The following TEX36 variants were observed in gnomAD, a reference collection of about 807,000 sequenced individuals.
TEX36 encodes testis expressed 36, also known as testis-expressed protein 36.
TEX36 carries 12 observed loss-of-function variants against 13.6 expected under a neutral mutation model. That is an observed-to-expected ratio of 0.88 (90% CI 0.56 to 1.43). TEX36 has a LOEUF of 1.43. TEX36 is among the 40% of genes most tolerant of loss of function. The probability of loss-of-function intolerance (pLI) is 0.00; values close to 1 mark genes in which losing one functional copy is unlikely to be tolerated. For missense variants in TEX36, 224 were observed against 228.3 expected (o/e 0.98, Z 0.12); for synonymous variants, 93 against 83.0 (o/e 1.12, Z -0.65).
At chr10:125,658,131 AT>A (rs968390597) in intron 3 of TEX36, among the ~76,000 whole-genome samples, 5 of 152,076 alleles carry the variant, frequency 3.3e-5, no homozygotes, top group African/African-American at 1.2e-4. Context: ...AGATTCTTCG[AT>A]TTTTTTTAAA....
chr10:125,636,351 G>A (rs1325440595), intron 3 of TEX36, among the ~76,000 whole-genome samples: 10 of 150,964 alleles, frequency 6.6e-5, no homozygotes, highest in East Asian at 3.9e-4. Context: ...GACTACAGGC[G>A]CCCGCTACCA....
At chr10:125,607,851 C>T (rs1334450644) in intron 3 of TEX36, among the ~76,000 whole-genome samples, 1 of 152,128 alleles carries the variant, frequency 6.6e-6, no homozygotes. Flanking sequence ...GGAACTATAA[C>T]CCTGTCTCGA....
At chr10:125,659,540 T>A (rs1455213092) in intron 3 of TEX36, among the ~76,000 whole-genome samples, 1 of 152,224 alleles carries the variant, frequency 6.6e-6, no homozygotes, top group Non-Finnish European at 1.5e-5. Context: ...AAAAACAATA[T>A]TAAGCACCCC....
rs879936600 is a variant in TEX36, at chr10:125,577,020, G to A, written c.265-146C>T. On this transcript the variant is annotated intron_variant, in intron 3 of 3. Transcript: ENST00000532135. ...AGAAGGATTTAGTGAGACTTAGCCT[G>A]AGCCCTAGGCCCATCCATGAACTGG... 1.8e-5 allele frequency: 20 copies of A among 1,085,308 alleles called. No individual in the cohort carries two copies. In the African/African-American group the frequency reaches 3.0e-4, roughly 16 times the overall value. The allele number at this position is 1,085,308 out of a possible 1,614,324, so 67.2% of individuals were successfully genotyped here.
At chr10:125,664,814 C>T (rs1847098827) in intron 1 of TEX36, among the ~76,000 whole-genome samples, 1 of 152,198 alleles carries the variant, frequency 6.6e-6, no homozygotes, top group African/African-American at 2.4e-5. Context: ...AGTGGCTGTA[C>T]TAATTTACAT....
chr10:125,659,240 A>G (rs1250706287), intron 3 of TEX36, among the ~76,000 whole-genome samples: 1 of 152,212 alleles, frequency 6.6e-6, no homozygotes, highest in African/African-American at 2.4e-5. Context: ...CTATTCCAGA[A>G]CATAGAGAAA....
chr10:125,665,237 T>G (rs1009656852), intron 1 of TEX36, among the ~76,000 whole-genome samples: 1 of 152,186 alleles, frequency 6.6e-6, no homozygotes, highest in Non-Finnish European at 1.5e-5. Flanking sequence ...GTGCAGAAGC[T>G]TTTTGATTTA....
At chr10:125,623,139 C>T (rs552290251) in intron 3 of TEX36, among the ~76,000 whole-genome samples, 2 of 152,324 alleles carry the variant, frequency 1.3e-5, no homozygotes, top group East Asian at 1.9e-4. Context: ...TTCTGGAGAA[C>T]TTTGCCCCAA....
intron 3 of TEX36, among the ~76,000 whole-genome samples, chr10:125,638,045 T>G (rs1846641099): frequency 1.3e-5 from 2 of 152,042 alleles, no homozygotes; most frequent in South Asian, 4.1e-4. Flanking sequence ...CATTCTCAGC[T>G]GAAGACCTCT....
chr10:125,613,241 TTTTATTTATTTATTTATTTA>T (rs71029264), intron 3 of TEX36, among the ~76,000 whole-genome samples: 1,145 of 113,262 alleles, frequency 0.01, 12 homozygotes, highest in Middle Eastern at 0.019. Flanking sequence ...TTTTGACATC[TTTTATTTATTTATTTATTTA>T]TTTATTTATT....
chr10:125,591,577 C>T (rs982479812), intron 3 of TEX36, among the ~76,000 whole-genome samples: 10 of 152,164 alleles, frequency 6.6e-5, no homozygotes, highest in African/African-American at 7.2e-5. Flanking sequence ...GCTGGGAAAC[C>T]GCACTGATCA....
intron 1 of TEX36, among the ~76,000 whole-genome samples, chr10:125,673,285 G>A (rs193166336): frequency 6.6e-6 from 1 of 152,268 alleles, no homozygotes; most frequent in Non-Finnish European, 1.5e-5. Context: ...CTTCCTTCAG[G>A]AGCTCTTGCA....
intron 3 of TEX36, among the ~76,000 whole-genome samples, chr10:125,605,284 C>T (rs1000295115): frequency 6.6e-6 from 1 of 152,242 alleles, no homozygotes; most frequent in African/African-American, 2.4e-5. Context: ...CAGTTAATCT[C>T]CACACACAGC....
At chr10:125,625,647 T>A (rs947691942) in intron 3 of TEX36, among the ~76,000 whole-genome samples, 1 of 152,244 alleles carries the variant, frequency 6.6e-6, no homozygotes, top group Non-Finnish European at 1.5e-5. Flanking sequence ...GTAATTTACA[T>A]AACATAGATA....
intron 1 of TEX36, among the ~76,000 whole-genome samples, chr10:125,680,051 C>G (rs1469447950): frequency 6.6e-6 from 1 of 152,214 alleles, no homozygotes; most frequent in African/African-American, 2.4e-5. Flanking sequence ...TTAATATATT[C>G]TAGAAATGTG....
chr10:125,618,345 TGGA>T (rs368639042), downstream of TEX36, among the ~76,000 whole-genome samples: 14,241 of 152,150 alleles, frequency 0.094, 1,765 homozygotes, highest in African/African-American at 0.29. Context: ...TGCGTTCCTT[TGGA>T]GGAGGAGAGG....
chr10:125,644,879 G>A (rs72631143), intron 3 of TEX36, among the ~76,000 whole-genome samples: 6,980 of 152,282 alleles, frequency 0.046, 338 homozygotes, highest in African/African-American at 0.12. Context: ...TGGTGAAAGA[G>A]ATTGCAAAAC....
chr10:125,613,727 G>A lies in TEX36; in HGVS notation c.265-36853C>T, dbSNP rs533063274. 1.2e-3 allele frequency among the ~76,000 whole-genome samples: 188 copies of A among 152,060 alleles called. 1 individual carries two copies. Among genetic ancestry groups the A allele is most frequent in the African/African-American group, 4.3e-3 (179 of 41,434 alleles). On this transcript the variant is annotated intron_variant, in intron 3 of 3. Transcript: ENST00000532135. ...CCAAGTCTTTGCTATTGCGAATAGT[G>A]CCGCAATAAACATACGTGTGCATGT...
chr10:125,658,339 T>C (rs1045145334), intron 3 of TEX36, among the ~76,000 whole-genome samples: 1 of 152,106 alleles, frequency 6.6e-6, no homozygotes, highest in Non-Finnish European at 1.5e-5. Context: ...CACTTCATAT[T>C]GATAAACGGC....
Sources: gnomAD v4.1 joint callset for allele counts (sites outside exome capture counted in the v4.1 genomes callset) on GRCh38, gnomAD v4.1.1 for gene constraint, MANE v1.5 for transcripts, NCBI Gene and HGNC (gene_info 2026-07-23, HGNC 2026-07-21) for gene names.